Variants in ANKRD44 observed in about 807,000 individuals in gnomAD.
ANKRD44 encodes the protein ankyrin repeat domain 44.
In ANKRD44, 35 loss-of-function variants were observed where a neutral mutation model predicts 116.0. The observed-to-expected ratio is 0.30, with a 90% CI of 0.23 to 0.40. The LOEUF (loss-of-function observed/expected upper bound fraction) is 0.40. Among genes scored for constraint, ANKRD44 ranks in the 10% least tolerant of loss-of-function variants. The pLI, the probability that ANKRD44 is intolerant of heterozygous loss-of-function variation, is 1.00. For synonymous variants in ANKRD44, 435 were observed against 461.8 expected, an observed-to-expected ratio of 0.94 and a Z score of 0.74; for missense variants, 1,014 against 1,242.6, an observed-to-expected ratio of 0.82 and a Z score of 2.77.
chr2:197,074,448 G>A lies in ANKRD44; in HGVS notation c.1650+4255C>T, dbSNP rs139410021. Among the ~76,000 whole-genome samples the A allele has an allele frequency of 7.0e-4, 106 of 152,182 alleles. 2 individuals are homozygous for A. In the East Asian group the frequency reaches 0.019, roughly 27 times the overall value. On this transcript the variant is annotated intron_variant, in intron 16 of 27. Coordinates refer to ENST00000282272, the MANE Select transcript of ANKRD44 (RefSeq NM_001195144.2). ...ACCTGCTTTCTTAGTCTTGAGAGGC[G>A]TAATGACACATTGCCAATGTAAGTC...
intron 17 of ANKRD44, among the ~76,000 whole-genome samples, chr2:197,021,303 GAT>G (rs2125937272): frequency 6.6e-6 from 1 of 152,276 alleles, no homozygotes; most frequent in African/African-American, 2.4e-5. Flanking sequence ...AATCCTTTGG[GAT>G]TTACAATCCC....
At chr2:197,052,015 CA>C (rs1288909190) in intron 16 of ANKRD44, among the ~76,000 whole-genome samples, 4 of 152,150 alleles carry the variant, frequency 2.6e-5, no homozygotes, top group African/African-American at 9.7e-5. Context: ...ACCATCCGGG[CA>C]GTGCAGAGCT....
chr2:197,209,669 T>A (rs1010213036), intron 1 of ANKRD44, among the ~76,000 whole-genome samples: 1 of 152,208 alleles, frequency 6.6e-6, no homozygotes, highest in African/African-American at 2.4e-5. Context: ...TTTAATTTCA[T>A]CAAGAATTAA....
intron 1 of ANKRD44, among the ~76,000 whole-genome samples, chr2:197,250,652 T>C (rs2082295046): frequency 6.6e-6 from 1 of 152,238 alleles, no homozygotes; most frequent in Non-Finnish European, 1.5e-5. Context: ...ATGTGCATTC[T>C]CTCATTTAAT....
At chr2:196,994,746 C>T (rs2075983159) in intron 26 of ANKRD44, 1 of 152,384 alleles carries the variant, frequency 6.6e-6, no homozygotes, top group African/African-American at 2.4e-5. Flanking sequence ...GGGTCATGAA[C>T]TCCTGGCCTC....
intron 4 of ANKRD44, chr2:197,133,947 C>CTTTTTTTTTTTTTTTTTTTTTTTTT (rs60432411): frequency 5.3e-5 from 3 of 56,458 alleles, no homozygotes; most frequent in African/African-American, 1.4e-4. Context: ...CTTTTTCTTT[C>CTTTTTTTTTTTTTTTTTTTTTTTTT]TTTTTTTTTT....
At chr2:197,231,683 G>A (rs112406851) in intron 1 of ANKRD44, among the ~76,000 whole-genome samples, 7 of 151,864 alleles carry the variant, frequency 4.6e-5, no homozygotes, top group African/African-American at 1.4e-4. Flanking sequence ...AGCATCCTAT[G>A]ATGCACAGGG....
At chr2:197,230,045 G>A (rs1574319756) in intron 1 of ANKRD44, among the ~76,000 whole-genome samples, 1 of 152,108 alleles carries the variant, frequency 6.6e-6, no homozygotes, top group Non-Finnish European at 1.5e-5. Flanking sequence ...CACAAGCAAA[G>A]ACGGAATGAT....
In ANKRD44 at chr2:196,991,059, C is replaced by T. The variant is rs113083106; in HGVS notation, c.2924-1410G>A. 4.4e-4 allele frequency: 370 copies of T among 833,070 alleles called. 1 individual carries two copies. Among genetic ancestry groups the T allele is most frequent in the Middle Eastern group, 3.3e-3 (8 of 2,458 alleles). The allele number at this position is 833,070 out of a possible 1,614,324, so 51.6% of individuals were successfully genotyped here. ...GAGTTAGAAATCATGCCAGGTAAAA[C>T]GAGGAGTTACTTCTCACAAGTCATG... On this transcript the variant is annotated intron_variant, in intron 27 of 27. Transcript: ENST00000282272.
chr2:197,225,069 G>C (rs529319306), intron 1 of ANKRD44, among the ~76,000 whole-genome samples: 69 of 152,250 alleles, frequency 4.5e-4, no homozygotes, highest in Admixed American at 1.4e-3. Context: ...AAGGGAAGAG[G>C]AGGGAGATGA....
chr2:196,996,152 T>C (rs6743718), intron 25 of ANKRD44, among the ~76,000 whole-genome samples: 97 of 152,366 alleles, frequency 6.4e-4, no homozygotes, highest in African/African-American at 2.3e-3. Context: ...CCAGTCACAT[T>C]AGTATTACTG....
At chr2:196,974,677 G>A (rs760773227) in intron 21 of ANKRD44, among the ~76,000 whole-genome samples, 1 of 152,142 alleles carries the variant, frequency 6.6e-6, no homozygotes, top group Non-Finnish European at 1.5e-5. Flanking sequence ...ATCACCTGAG[G>A]TCAGGAGTTT....
At chr2:197,196,946 C>T (rs796302300) in intron 1 of ANKRD44, among the ~76,000 whole-genome samples, 4 of 150,926 alleles carry the variant, frequency 2.7e-5, no homozygotes, top group African/African-American at 9.8e-5. Context: ...AGTCACCTTC[C>T]TGTTCTGGCC....
chr2:197,180,591 T>C (rs983988112), intron 2 of ANKRD44, among the ~76,000 whole-genome samples: 10 of 152,148 alleles, frequency 6.6e-5, no homozygotes, highest in African/African-American at 2.4e-4. Context: ...TTCATCTTCA[T>C]ATCAAATTAT....
chr2:197,068,409 T>A lies in ANKRD44; in HGVS notation c.1650+10294A>T, dbSNP rs201015111. 5.3e-3 allele frequency among the ~76,000 whole-genome samples: 691 copies of A among 131,488 alleles called. 1 individual carries two copies. The highest frequency in any genetic ancestry group is 7.1e-3 in the Non-Finnish European group (454 of 63,584). The allele number at this position is 131,488 out of a possible 152,430, so 86.3% of individuals were successfully genotyped here. A position where few individuals can be genotyped will look rare whatever the true frequency, so the allele number is the denominator to read the frequency against. Reference sequence around the variant, plus strand: ...AAATAAAAAAAAAATAAAAATAAAATAAAAAAAAATAAAACACCAAAAGCA... The same window carrying A: ...AAATAAAAAAAAAATAAAAATAAAAAAAAAAAAAATAAAACACCAAAAGCA... On this transcript the variant is annotated intron_variant, in intron 16 of 27. Transcript: ENST00000282272.
At chr2:197,305,877 T>C (rs2084053473) in intron 1 of ANKRD44, among the ~76,000 whole-genome samples, 1 of 151,354 alleles carries the variant, frequency 6.6e-6, no homozygotes, top group Admixed American at 6.6e-5. Context: ...AGAATAGTTA[T>C]CTCTTGAGTA....
chr2:197,246,358 T>TTTTTA (rs2082192039), intron 1 of ANKRD44, among the ~76,000 whole-genome samples: 1 of 103,810 alleles, frequency 9.6e-6, no homozygotes, highest in African/African-American at 3.6e-5. Context: ...GGCTTTTTTT[T>TTTTTA]TTTTTTTTTT....
At chr2:197,183,110 T>C (rs2080554693) in intron 2 of ANKRD44, among the ~76,000 whole-genome samples, 1 of 152,152 alleles carries the variant, frequency 6.6e-6, no homozygotes, top group Non-Finnish European at 1.5e-5. Flanking sequence ...ACAGAGTTTA[T>C]AAATACTATT....
chr2:197,187,225 CA>C, intron 1 of ANKRD44, 119 bp from the exon 2 acceptor site: 2 of 970,074 alleles, frequency 2.1e-6, no homozygotes, highest in South Asian at 1.4e-5. Context: ...AGTTGGCAGA[CA>C]AAGATGAATA....
Sources: gnomAD v4.1 joint callset for allele counts (sites outside exome capture counted in the v4.1 genomes callset) on GRCh38, gnomAD v4.1.1 for gene constraint, MANE v1.5 for transcripts, NCBI Gene and HGNC (gene_info 2026-07-23, HGNC 2026-07-21) for gene names.